The following TENM2 variants were observed in gnomAD, a reference collection of about 807,000 sequenced individuals.
The protein encoded by TENM2 is teneurin transmembrane protein 2.
In TENM2, 52 loss-of-function variants were observed where a neutral mutation model predicts 245.2. The ratio of observed to expected loss-of-function variants is 0.21; its 90% CI spans 0.17 to 0.27. TENM2 has a LOEUF of 0.27. Among genes scored for constraint, TENM2 ranks in the 10% least tolerant of loss-of-function variants. The probability of loss-of-function intolerance (pLI) is 1.00; values close to 1 mark genes in which losing one functional copy is unlikely to be tolerated. For synonymous variants in TENM2, 1,363 were observed against 1,438.9 expected (o/e 0.95, Z 1.19); for missense variants, 3,046 against 3,666.8 (o/e 0.83, Z 4.37).
exon 29 of TENM2, chr5:168,262,256 G>A (rs1371891059): frequency 8.7e-6 from 14 of 1,606,630 alleles, no homozygotes; most frequent in African/African-American, 2.7e-5. Flanking sequence ...CATCGCCAGC[G>A]AAGATAGCCG....
At chr5:167,170,692 A>G in the TENM2 span, among the ~76,000 whole-genome samples, 122 of 152,244 alleles carry the variant, frequency 8.0e-4, no homozygotes, top group Non-Finnish European at 1.4e-3. Context: ...TTGATCTTTA[A>G]TCCCTCTTCG....
At chr5:167,735,026 A>C (rs1015863780) in intron 2 of TENM2, among the ~76,000 whole-genome samples, 1 of 152,182 alleles carries the variant, frequency 6.6e-6, no homozygotes, top group African/African-American at 2.4e-5. Context: ...CAAATTAACC[A>C]GATGCATCCA....
At chr5:167,471,236 G>A (rs761556317) in intron 2 of TENM2, among the ~76,000 whole-genome samples, 76 of 152,000 alleles carry the variant, frequency 5.0e-4, no homozygotes, top group Non-Finnish European at 8.5e-4. Flanking sequence ...ACACTGAAGG[G>A]AGACTAAGGT....
intron 5 of TENM2, among the ~76,000 whole-genome samples, chr5:168,045,545 T>C (rs1000232515): frequency 6.6e-6 from 1 of 152,148 alleles, no homozygotes; most frequent in Non-Finnish European, 1.5e-5. Context: ...CTTTGCCTGA[T>C]GGGACCCACC....
intron 9 of TENM2, among the ~76,000 whole-genome samples, chr5:168,106,605 G>C (rs1258603576): frequency 6.6e-6 from 1 of 152,218 alleles, no homozygotes; most frequent in Non-Finnish European, 1.5e-5. Context: ...CACTAGACTA[G>C]CCATGAGACT....
In TENM2 at chr5:167,350,732, T is replaced by TGGATATATATATGGGATAGATACATAC. The variant is rs1352362366; in HGVS notation, c.227-24454_227-24453insGGGATAGATACATACGGATATATATAT. ...TATATATATATGGGATATATACATA[T>TGGATATATATATGGGATAGATACATAC]GGATATATATATATGGGATATATAC... is the stretch of plus-strand genomic sequence containing the variant. On this transcript the variant is annotated intron_variant, in intron 1 of 28. Coordinates refer to ENST00000518659, the Ensembl canonical transcript of TENM2. 6.8e-5 allele frequency among the ~76,000 whole-genome samples: 6 copies of TGGATATATATATGGGATAGATACATAC among 88,758 alleles called. No individual in the cohort carries two copies. In the Admixed American group the frequency reaches 7.6e-4, roughly 11 times the overall value. 58.2% of individuals were successfully genotyped at this position (88,758 alleles called of 152,430 possible).
intron 2 of TENM2, among the ~76,000 whole-genome samples, chr5:167,840,940 C>T (rs945042537): frequency 2.6e-5 from 4 of 152,236 alleles, no homozygotes; most frequent in African/African-American, 4.8e-5. Flanking sequence ...TGACAGAGAC[C>T]TTGCAACATC....
At chr5:167,712,610 A>G (rs1758983771) in intron 2 of TENM2, among the ~76,000 whole-genome samples, 1 of 152,202 alleles carries the variant, frequency 6.6e-6, no homozygotes, top group African/African-American at 2.4e-5. Context: ...TTCTTAGTTT[A>G]GAAATTGGTT....
At chr5:167,447,401 T>G (rs1023292960) in intron 2 of TENM2, among the ~76,000 whole-genome samples, 1 of 152,260 alleles carries the variant, frequency 6.6e-6, no homozygotes. Flanking sequence ...TCTACATTAA[T>G]GTGTATTAAA....
chr5:166,985,372 C>G, the TENM2 span, among the ~76,000 whole-genome samples: 2 of 152,104 alleles, frequency 1.3e-5, no homozygotes, highest in African/African-American at 2.4e-5. Flanking sequence ...TAGTTGGCCA[C>G]CATTTTCCTA....
intron 1 of TENM2, among the ~76,000 whole-genome samples, chr5:167,332,038 A>G (rs938786898): frequency 6.6e-6 from 1 of 152,364 alleles, no homozygotes; most frequent in Admixed American, 6.5e-5. Flanking sequence ...TTTTATTTAA[A>G]TAATCACCAA....
At chr5:167,261,454 A>G in the TENM2 span, among the ~76,000 whole-genome samples, 1 of 152,218 alleles carries the variant, frequency 6.6e-6, no homozygotes, top group Non-Finnish European at 1.5e-5. Context: ...GACGCAAAGT[A>G]ACCCCTCAAT....
chr5:167,738,623 G>T (rs1310525815), intron 2 of TENM2, among the ~76,000 whole-genome samples: 1 of 152,138 alleles, frequency 6.6e-6, no homozygotes, highest in Non-Finnish European at 1.5e-5. Flanking sequence ...AATTCCACAA[G>T]CTGAGTGGCT....
At position 168,016,285 on chromosome 5, in the gene TENM2, A is replaced by G. The variant is rs141011315; in HGVS notation, c.1186+23103A>G. 4.6e-5 allele frequency among the ~76,000 whole-genome samples: 7 copies of G among 152,302 alleles called. No individual in the cohort carries two copies. In the East Asian group the frequency reaches 1.2e-3, roughly 25 times the overall value. On this transcript the variant is annotated intron_variant, in intron 5 of 28. Transcript: ENST00000518659. ...GCCCTAATGAAACACCCGTGCACTGAACCATAATGCTCCATCACCTCCCAT... is the reference window on the plus strand; with the variant it reads ...GCCCTAATGAAACACCCGTGCACTGGACCATAATGCTCCATCACCTCCCAT...
chr5:167,288,452 A>G (rs995806886), intron 1 of TENM2, among the ~76,000 whole-genome samples: 7 of 151,972 alleles, frequency 4.6e-5, no homozygotes, highest in Admixed American at 1.3e-4. Flanking sequence ...CCAGCTACTC[A>G]GCAGGCTGAG....
chr5:167,870,728 GT>G (rs1315840377), intron 2 of TENM2, among the ~76,000 whole-genome samples: 3 of 149,924 alleles, frequency 2.0e-5, no homozygotes, highest in South Asian at 2.1e-4. Flanking sequence ...ATATATATGT[GT>G]GATAATGAGG....
the TENM2 span, among the ~76,000 whole-genome samples, chr5:167,162,887 G>T: frequency 6.6e-6 from 1 of 152,302 alleles, no homozygotes; most frequent in South Asian, 2.1e-4. Context: ...TTTAAGAACA[G>T]TAACTAAAGT....
chr5:168,238,269 GAAAA>G (rs1765770980), intron 25 of TENM2, among the ~76,000 whole-genome samples: 1 of 138,574 alleles, frequency 7.2e-6, no homozygotes, highest in Non-Finnish European at 1.5e-5. Flanking sequence ...GAAAAGAAAA[GAAAA>G]GAAAAGAAAA....
At chr5:167,242,500 C>T in the TENM2 span, among the ~76,000 whole-genome samples, 6 of 152,086 alleles carry the variant, frequency 3.9e-5, no homozygotes, top group Admixed American at 3.3e-4. Context: ...ACTTATACCT[C>T]GGTTTTCTTC....
Sources: gnomAD v4.1 joint callset for allele counts (sites outside exome capture counted in the v4.1 genomes callset) on GRCh38, gnomAD v4.1.1 for gene constraint, MANE v1.5 for transcripts, NCBI Gene and HGNC (gene_info 2026-07-23, HGNC 2026-07-21) for gene names.